CDH12: variants seen among roughly 807,000 people sequenced by gnomAD.
The protein encoded by CDH12 is cadherin 12, also known as cadherin-12.
In CDH12, 41 loss-of-function variants were observed where a neutral mutation model predicts 74.1. The ratio of observed to expected loss-of-function variants is 0.55; its 90% CI spans 0.43 to 0.72. CDH12 has a LOEUF of 0.72. CDH12 is among the 30% of genes least tolerant of loss of function. The pLI is 0.00. For missense variants in CDH12, 945 were observed against 977.2 expected, an observed-to-expected ratio of 0.97 and a Z score of 0.44; for synonymous variants, 399 against 355.0, an observed-to-expected ratio of 1.12 and a Z score of -1.39.
intron 8 of CDH12, among the ~76,000 whole-genome samples, chr5:21,837,468 GTT>G (rs11321099): frequency 0.17 from 23,003 of 138,908 alleles, 2,438 homozygotes; most frequent in African/African-American, 0.33. Flanking sequence ...CTGGAGAAAG[GTT>G]TTTTTTTTTT....
chr5:22,406,306 C>T (rs187290320), intron 2 of CDH12, among the ~76,000 whole-genome samples: 5 of 152,220 alleles, frequency 3.3e-5, no homozygotes, highest in East Asian at 1.9e-4. Flanking sequence ...ACTGCAATGA[C>T]GAGAGTCATC....
chr5:22,137,898 C>G (rs1746552269), intron 4 of CDH12, among the ~76,000 whole-genome samples: 1 of 152,102 alleles, frequency 6.6e-6, no homozygotes. Flanking sequence ...GTGTACACTA[C>G]TGCTCATTTC....
chr5:22,440,093 C>T (rs1346122255), intron 2 of CDH12, among the ~76,000 whole-genome samples: 1 of 151,982 alleles, frequency 6.6e-6, no homozygotes, highest in Non-Finnish European at 1.5e-5. Flanking sequence ...ACTATTTGCC[C>T]TTAAGAACAT....
rs1298223809 is a variant in CDH12 at position 22,630,902 on chromosome 5, A to G, written c.-522-125538T>C. Among the ~76,000 whole-genome samples the G allele has an allele frequency of 3.3e-5, 5 of 152,228 alleles. 1 individual carries two copies. The highest frequency in any genetic ancestry group is 4.4e-5 in the Non-Finnish European group (3 of 68,036). On this transcript the variant is annotated intron_variant, in intron 1 of 14. Coordinates refer to ENST00000382254, the MANE Select transcript of CDH12 (RefSeq NM_004061.5). Reference sequence around the variant, plus strand: ...CAAATTATGCATCCAACAAAGGTATAGTGTCCAGAATCTATAAGGAACTTA... The same window carrying G: ...CAAATTATGCATCCAACAAAGGTATGGTGTCCAGAATCTATAAGGAACTTA...
At chr5:22,580,480 C>T (rs1367384959) in intron 1 of CDH12, 3 of 501,552 alleles carry the variant, frequency 6.0e-6, no homozygotes, top group Admixed American at 2.1e-5. Context: ...TCAGACAAGT[C>T]ATACTTATGG....
At chr5:21,779,976 C>T (rs1334690687) in intron 11 of CDH12, among the ~76,000 whole-genome samples, 1 of 152,114 alleles carries the variant, frequency 6.6e-6, no homozygotes, top group African/African-American at 2.4e-5. Flanking sequence ...CTTTGTCATA[C>T]CCGATTTCCT....
At chr5:22,270,545 A>G (rs1435900860) in intron 3 of CDH12, among the ~76,000 whole-genome samples, 1 of 151,302 alleles carries the variant, frequency 6.6e-6, no homozygotes, top group Non-Finnish European at 1.5e-5. Context: ...CAGTGAGCTG[A>G]GATGGCACTG....
chr5:22,286,609 T>A (rs2150410500), intron 3 of CDH12, among the ~76,000 whole-genome samples: 1 of 151,892 alleles, frequency 6.6e-6, no homozygotes, highest in East Asian at 1.9e-4. Flanking sequence ...ACAGAAATCC[T>A]CTCATACAGA....
chr5:22,776,879 T>C (rs991289656), intron 1 of CDH12, among the ~76,000 whole-genome samples: 3 of 152,306 alleles, frequency 2.0e-5, no homozygotes, highest in Admixed American at 6.5e-5. Flanking sequence ...CACCACCAAT[T>C]AAGATAAGTT....
chr5:22,020,509 G>A lies in CDH12; in HGVS notation c.232-45124C>T, dbSNP rs942101751. On this transcript the variant is annotated intron_variant, in intron 5 of 14. Coordinates refer to ENST00000382254, the MANE Select transcript of CDH12 (RefSeq NM_004061.5). ...GCGGGGGTTGCAGTGAGCTGAGATG[G>A]TGCCACTGCACTACAGCCTGGGTGA... 1.2e-4 allele frequency among the ~76,000 whole-genome samples: 18 copies of A among 151,232 alleles called. 1 individual carries two copies. Among genetic ancestry groups the A allele is most frequent in the African/African-American group, 4.4e-4 (18 of 41,094 alleles).
chr5:22,461,119 C>G (rs371301984), intron 2 of CDH12, among the ~76,000 whole-genome samples: 4 of 147,752 alleles, frequency 2.7e-5, no homozygotes, highest in African/African-American at 1.0e-4. Context: ...CTGCAACCTC[C>G]CGGGTTCAAG....
chr5:22,419,883 G>T (rs1390172018), intron 2 of CDH12, among the ~76,000 whole-genome samples: 1 of 152,114 alleles, frequency 6.6e-6, no homozygotes, highest in Middle Eastern at 3.2e-3. Flanking sequence ...GTTCTGATTT[G>T]CATTTCTCTG....
chr5:22,533,116 T>A (rs1354199800), intron 1 of CDH12, among the ~76,000 whole-genome samples: 1 of 152,142 alleles, frequency 6.6e-6, no homozygotes, highest in East Asian at 1.9e-4. Context: ...TTTTCCTTCA[T>A]CCATTGGCTG....
At chr5:22,642,066 G>T (rs1489210010) in intron 1 of CDH12, among the ~76,000 whole-genome samples, 2 of 152,098 alleles carry the variant, frequency 1.3e-5, no homozygotes, top group Non-Finnish European at 1.5e-5. Context: ...TTTATAAGAC[G>T]AAAAGACAAT....
chr5:22,357,057 A>C (rs541919110), intron 3 of CDH12, among the ~76,000 whole-genome samples: 3 of 152,242 alleles, frequency 2.0e-5, no homozygotes, highest in Non-Finnish European at 2.9e-5. Flanking sequence ...CTATCTATCT[A>C]GCTAGATAGA....
chr5:22,638,595 C>T (rs1738961821), intron 1 of CDH12: 1 of 152,394 alleles, frequency 6.6e-6, no homozygotes, highest in Non-Finnish European at 1.5e-5. Context: ...TTGGCAACAC[C>T]CTCACAGACA....
intron 5 of CDH12, among the ~76,000 whole-genome samples, chr5:22,016,176 T>G (rs116059496): frequency 0.041 from 6,256 of 152,172 alleles, 159 homozygotes; most frequent in African/African-American, 0.057. Context: ...GAGAACATCA[T>G]GATAGCTTCC....
At chr5:22,410,727 A>G (rs527542909) in intron 2 of CDH12, among the ~76,000 whole-genome samples, 1 of 152,194 alleles carries the variant, frequency 6.6e-6, no homozygotes, top group East Asian at 1.9e-4. Context: ...CTTCAATTTC[A>G]ATAAAGAACA....
At chr5:22,475,343 A>G (rs575314052) in intron 2 of CDH12, among the ~76,000 whole-genome samples, 4 of 152,136 alleles carry the variant, frequency 2.6e-5, no homozygotes, top group African/African-American at 9.6e-5. Flanking sequence ...TATAATTACT[A>G]AAGAAAAAAT....
Sources: allele counts gnomAD v4.1 joint callset (sites outside exome capture counted in the v4.1 genomes callset), GRCh38; gene constraint gnomAD v4.1.1; transcripts MANE v1.5; gene names NCBI Gene and HGNC (gene_info 2026-07-23, HGNC 2026-07-21).